The following TP53RK variants were observed in gnomAD, a reference collection of about 807,000 sequenced individuals.
TP53RK encodes the protein TP53 regulating kinase, also known as EKC/KEOPS complex subunit TP53RK.
In TP53RK, 17 loss-of-function variants were observed where a neutral mutation model predicts 14.9. The ratio of observed to expected loss-of-function variants is 1.14; its 90% CI spans 0.78 to 1.71. TP53RK has a LOEUF of 1.71. Among genes scored for constraint, TP53RK ranks in the 40% most tolerant of loss-of-function variants. The probability of loss-of-function intolerance (pLI) is 0.00; values close to 1 mark genes in which losing one functional copy is unlikely to be tolerated. For missense variants in TP53RK, 343 were observed against 332.0 expected, an observed-to-expected ratio of 1.03 and a Z score of -0.26; for synonymous variants, 131 against 138.0, an observed-to-expected ratio of 0.95 and a Z score of 0.36.
rs1442638419 is a variant in TP53RK, at chr20:46,684,932, G to A, written c.*1821C>T. On this transcript the variant is annotated 3_prime_UTR_variant, in exon 2 of 2. Transcript: ENST00000372114. Reference sequence around the variant, plus strand: ...TGTCAGTGGAAAGAACACAGATTTGGAGCCAGGTAAAAGTACCTCTTGCTA... The same window carrying A: ...TGTCAGTGGAAAGAACACAGATTTGAAGCCAGGTAAAAGTACCTCTTGCTA... The A allele has an allele frequency of 6.6e-6, 1 of 152,156 alleles. No homozygotes were observed. The highest frequency in any genetic ancestry group is 1.5e-5 in the Non-Finnish European group (1 of 68,034). The allele number at this position is 152,156 out of a possible 1,614,324, so 9.4% of individuals were successfully genotyped here.
rs1474757970 is a variant in TP53RK, at chr20:46,686,274, A to C, written c.*479T>G. The C allele has an allele frequency of 6.3e-6, 1 of 158,200 alleles. No homozygotes were observed. The highest frequency in any genetic ancestry group is 1.4e-5 in the Non-Finnish European group (1 of 71,464). 9.8% of individuals were successfully genotyped at this position (158,200 alleles called of 1,614,324 possible). A position where few individuals can be genotyped will look rare whatever the true frequency, so the allele number is the denominator to read the frequency against. On this transcript the variant is annotated 3_prime_UTR_variant, in exon 2 of 2. Transcript: ENST00000372114. Reference sequence around the variant, plus strand: ...ACGTGAAAGTTTCATAAAACAATACACTGATATTTTCCATGCTGTATTCTA... The same window carrying C: ...ACGTGAAAGTTTCATAAAACAATACCCTGATATTTTCCATGCTGTATTCTA...
intron 1 of TP53RK, among the ~76,000 whole-genome samples, chr20:46,688,326 A>G (rs866046040): frequency 2.6e-5 from 4 of 152,212 alleles, no homozygotes; most frequent in Non-Finnish European, 5.9e-5. Context: ...AAATACTGAT[A>G]AAAGAAAGGC....
In TP53RK at chr20:46,686,205, T is replaced by C. The variant is rs1324766256; in HGVS notation, c.*548A>G. 6.6e-6 allele frequency: 1 copy of C among 152,262 alleles called. No homozygotes were observed. The allele number at this position is 152,262 out of a possible 1,614,324, so 9.4% of individuals were successfully genotyped here. ...TGATCATGACCCTGAAAGAGAAATA[T>C]ATTTGACATCAAAACTCAGCACATA... On this transcript the variant is annotated 3_prime_UTR_variant, in exon 2 of 2. Coordinates refer to ENST00000372114, the MANE Select transcript of TP53RK (RefSeq NM_033550.4).
At position 46,685,571 on chromosome 20, in the gene TP53RK, C is replaced by A. The variant is rs2063176879; in HGVS notation, c.*1182G>T. 2 of 152,160 alleles carry A rather than the reference C, an allele frequency of 1.3e-5. No homozygotes were observed. The highest frequency in any genetic ancestry group is 4.8e-5 in the African/African-American group (2 of 41,430). The allele number at this position is 152,160 out of a possible 1,614,324, so 9.4% of individuals were successfully genotyped here. On this transcript the variant is annotated 3_prime_UTR_variant, in exon 2 of 2. Coordinates refer to ENST00000372114, the MANE Select transcript of TP53RK (RefSeq NM_033550.4). The stretch of plus-strand genomic sequence containing the variant: ...TGTTAATTAGCTCAGCTGTAGCAAT[C>A]ATTTCATAATGTATATCAAAACATC...
chr20:46,686,997 G>A lies in TP53RK; in HGVS notation c.518C>T (p.Pro173Leu). ...GAGCACAATGTTCAGCTGTTCCAGG[G>A]GGGGTTTCAGGAGCATGTTGGAGGT... ...LTTSNMLLKP[P>L]LEQLNIVLID... is the part of the protein sequence containing the mutation. Residue 173 changes from proline to leucine, a missense_variant, in exon 2 of 2, where the codon CCC becomes CTC. Transcript: ENST00000372114. 6.2e-7 allele frequency: 1 copy of A among 1,614,174 alleles called. No individual in the cohort carries two copies. The highest frequency in any genetic ancestry group is 8.5e-7 in the Non-Finnish European group (1 of 1,180,028).
In TP53RK at chr20:46,685,432, A is replaced by G. The variant is rs1429691988; in HGVS notation, c.*1321T>C. ...AAATACTTTGAGATGAATGAAAACA[A>G]AAACACAAAATACCAAAACTGAGAG... is the stretch of plus-strand genomic sequence containing the variant. On this transcript the variant is annotated 3_prime_UTR_variant, in exon 2 of 2. Transcript: ENST00000372114. The G allele has an allele frequency of 1.3e-5, 2 of 152,260 alleles. No individual in the cohort carries two copies. Among genetic ancestry groups the G allele is most frequent in the African/African-American group, 4.8e-5 (2 of 41,474 alleles). 9.4% of individuals were successfully genotyped at this position (152,260 alleles called of 1,614,324 possible). A position where few individuals can be genotyped will look rare whatever the true frequency, so the allele number is the denominator to read the frequency against.
intron 1 of TP53RK, 91 bp downstream of exon 1, chr20:46,689,041 G>A (rs1259542159): frequency 2.9e-5 from 37 of 1,273,994 alleles, no homozygotes; most frequent in Non-Finnish European, 3.7e-5. Context: ...GAAACTGAGG[G>A]AAATCCAGCT....
chr20:46,689,086 C>G (rs1018958299), intron 1 of TP53RK, 46 bp downstream of exon 1: 18 of 1,355,452 alleles, frequency 1.3e-5, no homozygotes, highest in Non-Finnish European at 1.7e-5. Flanking sequence ...CCGCCCAGGC[C>G]CCAGAGCCTC....
intron 1 of TP53RK, among the ~76,000 whole-genome samples, chr20:46,688,577 A>C (rs2063191443): frequency 2.6e-5 from 4 of 152,254 alleles, no homozygotes; most frequent in Admixed American, 2.6e-4. Flanking sequence ...TTTGAACATA[A>C]TACGTGACAC....
In TP53RK at chr20:46,686,359, T is replaced by C. The variant is rs756495777; in HGVS notation, c.*394A>G. ...AACTGGTTTCAAAATAAATATAACA[T>C]GTACACAACAACAACAAAAAAAAAC... On this transcript the variant is annotated 3_prime_UTR_variant, in exon 2 of 2. Transcript: ENST00000372114. The C allele has an allele frequency of 2.4e-4, 44 of 185,280 alleles. No homozygotes were observed. The highest frequency in any genetic ancestry group is 4.2e-4 in the Non-Finnish European group (37 of 87,892). 11.5% of individuals were successfully genotyped at this position (185,280 alleles called of 1,614,324 possible).
Position 46,684,814 on chromosome 20 carries a change from A to C in TP53RK, c.*1939T>G, listed in dbSNP as rs1249880142. 1.3e-5 allele frequency: 2 copies of C among 152,256 alleles called. No homozygotes were observed. Among genetic ancestry groups the C allele is most frequent in the Non-Finnish European group, 2.9e-5 (2 of 68,056 alleles). The allele number at this position is 152,256 out of a possible 1,614,324, so 9.4% of individuals were successfully genotyped here. A position where few individuals can be genotyped will look rare whatever the true frequency, so the allele number is the denominator to read the frequency against. On this transcript the variant is annotated 3_prime_UTR_variant, in exon 2 of 2. Coordinates refer to ENST00000372114, the MANE Select transcript of TP53RK (RefSeq NM_033550.4). ...GGGAATATTAATTGAAAAACCTGTC[A>C]GCTCCTGTGGCCCTTGGAGTTCCTT...
intron 1 of TP53RK, among the ~76,000 whole-genome samples, chr20:46,688,131 A>G (rs1278703986): frequency 1.3e-5 from 2 of 152,248 alleles, no homozygotes; most frequent in Admixed American, 6.5e-5. Flanking sequence ...CAAGCCAGCT[A>G]TAATACAATC....
chr20:46,688,873 CAAT>C (rs1245899479), intron 1 of TP53RK, among the ~76,000 whole-genome samples: 6 of 152,198 alleles, frequency 3.9e-5, no homozygotes, highest in Non-Finnish European at 8.8e-5. Context: ...CAACATTGAG[CAAT>C]AATGACAGAT....
Position 46,686,214 on chromosome 20 carries a change from T to G in TP53RK, c.*539A>C, listed in dbSNP as rs2063179491. ...CCCTGAAAGAGAAATATATTTGACATCAAAACTCAGCACATATCCTTGGTC... is the reference window on the plus strand; with the variant it reads ...CCCTGAAAGAGAAATATATTTGACAGCAAAACTCAGCACATATCCTTGGTC... On this transcript the variant is annotated 3_prime_UTR_variant, in exon 2 of 2. Coordinates refer to ENST00000372114, the MANE Select transcript of TP53RK (RefSeq NM_033550.4). 6.6e-6 allele frequency: 1 copy of G among 152,220 alleles called. No homozygotes were observed. Among genetic ancestry groups the G allele is most frequent in the African/African-American group, 2.4e-5 (1 of 41,432 alleles). The allele number at this position is 152,220 out of a possible 1,614,324, so 9.4% of individuals were successfully genotyped here. A position where few individuals can be genotyped will look rare whatever the true frequency, so the allele number is the denominator to read the frequency against.
rs1006092120 is a variant in TP53RK, at chr20:46,684,965, C to T, written c.*1788G>A. 7 of 152,202 alleles carry T rather than the reference C, an allele frequency of 4.6e-5. No individual in the cohort carries two copies. The highest frequency in any genetic ancestry group is 1.7e-4 in the African/African-American group (7 of 41,442). The allele number at this position is 152,202 out of a possible 1,614,324, so 9.4% of individuals were successfully genotyped here. ...TAAAAGTACCTCTTGCTACCTGTGA[C>T]GTCTTGGACAAGTTCCCACCTTTTG... On this transcript the variant is annotated 3_prime_UTR_variant, in exon 2 of 2. Transcript: ENST00000372114.
Position 46,686,865 on chromosome 20 carries a change from A to C in TP53RK, c.650T>G (p.Val217Gly), listed in dbSNP as rs757533564. Residue 217 changes from valine to glycine, a missense_variant, in exon 2 of 2, where the codon GTG becomes GGG. Transcript: ENST00000372114. Reference sequence around the variant, plus strand: ...GTAGCTCTTCAGAAAGGCTTCAAACACAGTTTCAGTGTTGGGATGGGTACT... The same window carrying C: ...GTAGCTCTTCAGAAAGGCTTCAAACCCAGTTTCAGTGTTGGGATGGGTACT... ...FLSTHPNTETVFEAFLKSYST... is the reference protein window; with the variant it reads ...FLSTHPNTETGFEAFLKSYST... The C allele has an allele frequency of 6.2e-7, 1 of 1,614,084 alleles. No homozygotes were observed. Among genetic ancestry groups the C allele is most frequent in the South Asian group, 1.1e-5 (1 of 91,078 alleles).
intron 1 of TP53RK, 113 bp downstream of exon 1, chr20:46,689,019 G>C: frequency 5.2e-6 from 6 of 1,144,318 alleles, no homozygotes; most frequent in Non-Finnish European, 6.8e-6. Context: ...CACCGCAGAA[G>C]GCACAGAAGG....
chr20:46,688,998 G>C (rs1377349786), intron 1 of TP53RK, 134 bp downstream of exon 1: 2 of 1,006,892 alleles, frequency 2.0e-6, no homozygotes, highest in Non-Finnish European at 2.6e-6. Flanking sequence ...TAACATTTCC[G>C]AAAGGCCGGA....
At position 46,687,223 on chromosome 20, in the gene TP53RK, C is replaced by A; in HGVS notation, c.292G>T (p.Ala98Ser). ...TAGTCCACAAAAAAGACAACTGGGGCAGATATTCCTGAAATCAAGACATAA... is the reference window on the plus strand; with the variant it reads ...TAGTCCACAAAAAAGACAACTGGGGAAGATATTCCTGAAATCAAGACATAA... ...LLRCRRAGISAPVVFFVDYAS... is the reference protein window; with the variant it reads ...LLRCRRAGISSPVVFFVDYAS... The change falls in exon 2 of 2, where the codon GCC becomes TCC. Residue 98 changes from alanine to serine, a missense_variant. By Grantham distance (99) the Ala-to-Ser change is moderately conservative (BLOSUM62 1). Coordinates refer to ENST00000372114, the MANE Select transcript of TP53RK (RefSeq NM_033550.4). The A allele has an allele frequency of 6.3e-7, 1 of 1,580,240 alleles. No homozygotes were observed. The highest frequency in any genetic ancestry group is 8.6e-7 in the Non-Finnish European group (1 of 1,161,748).
Sources: allele counts gnomAD v4.1 joint callset (sites outside exome capture counted in the v4.1 genomes callset), GRCh38; gene constraint gnomAD v4.1.1; transcripts MANE v1.5; gene names NCBI Gene and HGNC (gene_info 2026-07-23, HGNC 2026-07-21).